OSBP2: variants seen among roughly 807,000 people sequenced by gnomAD.
OSBP2 encodes oxysterol-binding protein 2.
In OSBP2, 66 loss-of-function variants were observed where a neutral mutation model predicts 96.0. That is an observed-to-expected ratio of 0.69 (90% CI 0.56 to 0.84). The LOEUF (loss-of-function observed/expected upper bound fraction) is 0.84, where lower values mean the gene tolerates loss of function less well. OSBP2 is among the 40% of genes least tolerant of loss of function. OSBP2 has a pLI of 0.00. For synonymous variants in OSBP2, 525 were observed against 520.9 expected, an observed-to-expected ratio of 1.01 and a Z score of -0.11; for missense variants, 1,038 against 1,222.7, an observed-to-expected ratio of 0.85 and a Z score of 2.25.
intron 1 of OSBP2, among the ~76,000 whole-genome samples, chr22:30,703,665 G>A (rs1241644177): frequency 2.6e-5 from 4 of 151,946 alleles, no homozygotes; most frequent in East Asian, 3.9e-4. Context: ...TAGTAGAGAC[G>A]GAGTTTCACC....
rs908190152 is a variant in OSBP2 at position 30,870,859 on chromosome 22, C to T, written c.1107+177C>T. 1.3e-5 allele frequency among the ~76,000 whole-genome samples: 2 copies of T among 152,236 alleles called. No individual in the cohort carries two copies. The highest frequency in any genetic ancestry group is 6.5e-5 in the Admixed American group (1 of 15,278). On this transcript the variant is annotated intron_variant, in intron 3 of 13. Transcript: ENST00000332585. The surrounding 1 kb of genome is among the most constrained non-coding windows in gnomAD (Gnocchi z 4.1). ...CCGAGTTCTTAAATCATCTCCTTCA[C>T]TCGGCCGTCGTTGGGCAAGGACATT... is the stretch of plus-strand genomic sequence containing the variant.
Position 30,881,585 on chromosome 22 carries a change from C to A in OSBP2, c.1108-5841C>A. On this transcript the variant is annotated intron_variant, in intron 3 of 13. Coordinates refer to ENST00000332585, the MANE Select transcript of OSBP2 (RefSeq NM_030758.4). This position sits in a 1 kb window ranked among gnomAD's most constrained non-coding sequence, Gnocchi z 4.5. ...TCAGGCCTGGGCTGGGTCAGCCAGGCCCTCCCTGGGCCCCTGGGAACCTCC... is the reference window on the plus strand; with the variant it reads ...TCAGGCCTGGGCTGGGTCAGCCAGGACCTCCCTGGGCCCCTGGGAACCTCC... 1 of 1,167,558 alleles carries A rather than the reference C, an allele frequency of 8.6e-7. No individual in the cohort carries two copies. The highest frequency in any genetic ancestry group is 1.1e-6 in the Non-Finnish European group (1 of 884,324). The allele number at this position is 1,167,558 out of a possible 1,614,324, so 72.3% of individuals were successfully genotyped here.
intron 9 of OSBP2, 62 bp from the exon 10 acceptor site, chr22:30,893,401 G>T: frequency 6.4e-7 from 1 of 1,555,310 alleles, no homozygotes; most frequent in Non-Finnish European, 8.9e-7. Flanking sequence ...CCAGGCCTAA[G>T]GGCAGACTGG....
intron 1 of OSBP2, among the ~76,000 whole-genome samples, chr22:30,703,532 G>C (rs1440077225): frequency 1.3e-5 from 2 of 151,132 alleles, no homozygotes; most frequent in Non-Finnish European, 2.9e-5. Flanking sequence ...CTGGAGTGCA[G>C]TGGCACGATC....
chr22:30,892,003 A>AT (rs1490531918), intron 8 of OSBP2, among the ~76,000 whole-genome samples: 2 of 152,130 alleles, frequency 1.3e-5, no homozygotes, highest in Admixed American at 6.5e-5. Context: ...AGGAGGGTGA[A>AT]GAAGCAGCAG....
rs772969372 is a variant in OSBP2 at position 30,879,960 on chromosome 22, G to A, written c.1108-7466G>A. Among the ~76,000 whole-genome samples the A allele has an allele frequency of 2.0e-5, 3 of 152,086 alleles. 1 individual carries two copies. The highest frequency in any genetic ancestry group is 4.1e-4 in the South Asian group (2 of 4,828). The stretch of plus-strand genomic sequence containing the variant: ...CCAGCTCCTCAGAAGGCTGAGGCAC[G>A]AGAATCGCTTGAGCCTGGGAGGCAG... On this transcript the variant is annotated intron_variant, in intron 3 of 13. Coordinates refer to ENST00000332585, the MANE Select transcript of OSBP2 (RefSeq NM_030758.4).
intron 12 of OSBP2, chr22:30,902,841 C>T (rs2040246167): frequency 3.0e-6 from 1 of 330,220 alleles, no homozygotes; most frequent in Non-Finnish European, 6.2e-6. Context: ...GCCTGGTGAA[C>T]CCCTGGGCCA....
chr22:30,823,652 G>T (rs1277634914), intron 2 of OSBP2, among the ~76,000 whole-genome samples: 1 of 152,258 alleles, frequency 6.6e-6, no homozygotes, highest in East Asian at 1.9e-4. Context: ...GCAAGCCTCA[G>T]CCCAGGAATC....
chr22:30,837,624 C>T (rs1488378341), intron 2 of OSBP2, among the ~76,000 whole-genome samples: 1 of 152,200 alleles, frequency 6.6e-6, no homozygotes, highest in Non-Finnish European at 1.5e-5. Flanking sequence ...CTGGGTCACC[C>T]TGCAACTCCC....
chr22:30,773,692 A>G (rs1022908558), intron 2 of OSBP2, among the ~76,000 whole-genome samples: 5 of 152,032 alleles, frequency 3.3e-5, no homozygotes, highest in Admixed American at 3.3e-4. Flanking sequence ...GGCCAGACAC[A>G]GTGGTCACTT....
Position 30,870,335 on chromosome 22 carries a change from C to T in OSBP2, c.854-94C>T, listed in dbSNP as rs1476915499. The T allele has an allele frequency of 1.2e-5, 16 of 1,299,380 alleles. No homozygotes were observed. In the Admixed American group the frequency reaches 1.5e-4, roughly 12 times the overall value. The allele number at this position is 1,299,380 out of a possible 1,614,324, so 80.5% of individuals were successfully genotyped here. On this transcript the variant is annotated intron_variant, in intron 2 of 13. Transcript: ENST00000332585. This position sits in a 1 kb window ranked among gnomAD's most constrained non-coding sequence, Gnocchi z 4.1. ...TCGGGGACTGATGTTTTTTGAATGG[C>T]GCTATCCACCCTGCCCTGCTCGGCC...
At chr22:30,745,215 G>GA (rs1411162443) in intron 2 of OSBP2, among the ~76,000 whole-genome samples, 1 of 149,118 alleles carries the variant, frequency 6.7e-6, no homozygotes, top group Non-Finnish European at 1.5e-5. Flanking sequence ...TTGTGTGCCA[G>GA]AAAAAAATAC....
intron 2 of OSBP2, among the ~76,000 whole-genome samples, chr22:30,855,453 AG>A (rs2147071136): frequency 6.6e-6 from 1 of 152,330 alleles, no homozygotes; most frequent in Admixed American, 6.5e-5. Context: ...TGGTTGCCCC[AG>A]GGGGACTGTC....
chr22:30,862,343 G>A (rs2039228895), intron 2 of OSBP2, among the ~76,000 whole-genome samples: 1 of 152,236 alleles, frequency 6.6e-6, no homozygotes, highest in South Asian at 2.1e-4. Context: ...TGGTCTCTTG[G>A]CCTCCAGGGC....
intron 1 of OSBP2, among the ~76,000 whole-genome samples, chr22:30,716,046 T>TTC (rs1286454736): frequency 2.3e-3 from 9 of 3,844 alleles, no homozygotes; most frequent in Admixed American, 5.2e-3. Context: ...CTTTCTTTCT[T>TTC]TTTTTTTTTT....
rs1238239652 is a variant in OSBP2 at position 30,694,971 on chromosome 22, C to G, written c.62C>G (p.Ser21Trp). The G allele has an allele frequency of 6.6e-7, 1 of 1,511,392 alleles. No homozygotes were observed. The highest frequency in any genetic ancestry group is 8.8e-7 in the Non-Finnish European group (1 of 1,137,836). 93.6% of individuals were successfully genotyped at this position (1,511,392 alleles called of 1,614,324 possible). A position where few individuals can be genotyped will look rare whatever the true frequency, so the allele number is the denominator to read the frequency against. Residue 21 changes from serine (S) to tryptophan (W), a missense_variant, in exon 1 of 14, where the codon TCG becomes TGG. Physicochemically the swap from Ser to Trp is radical, Grantham distance 177. This residue lies in a region of OSBP2 where 20 missense variants were observed against 36.0 expected (regional missense o/e 0.55). Transcript: ENST00000332585. ...GGCGGRSRGL[S>W]SLFTVVPCLS... Reference sequence around the variant, plus strand: ...TGTGGCGGCCGCTCCCGCGGGCTCTCGTCGCTGTTCACGGTTGTCCCCTGC... The same window carrying G: ...TGTGGCGGCCGCTCCCGCGGGCTCTGGTCGCTGTTCACGGTTGTCCCCTGC...
chr22:30,738,914 A>G (rs1190951590), intron 1 of OSBP2, among the ~76,000 whole-genome samples: 2 of 152,222 alleles, frequency 1.3e-5, no homozygotes, highest in Non-Finnish European at 2.9e-5. Flanking sequence ...TGATAGAAGA[A>G]TCAAAAAAAT....
rs1262839146 is a variant in OSBP2 at position 30,889,202 on chromosome 22, A to G, written c.1444A>G (p.Thr482Ala). 6.2e-7 allele frequency: 1 copy of G among 1,613,608 alleles called. No homozygotes were observed. The highest frequency in any genetic ancestry group is 2.2e-5 in the East Asian group (1 of 44,864). Residue 482 changes from threonine (T) to alanine (A), a missense_variant, in exon 6 of 14, where the codon ACA (threonine) becomes GCA (alanine). By Grantham distance (58) the Thr-to-Ala change is moderately conservative. Around this residue, in one of 3 missense-constraint regions of OSBP2, gnomAD observed 737 missense variants for 913.3 expected, o/e 0.81. Transcript: ENST00000332585. The stretch of plus-strand genomic sequence containing the variant: ...CAGAAAAGCTGAAGGTAGCACCGGG[A>G]CAAGTTCCGTGGACTGGAGCTCAGC... Reference protein sequence around the residue: ...DSRKAEGSTGTSSVDWSSADN... With the variant: ...DSRKAEGSTGASSVDWSSADN...
chr22:30,792,787 C>T (rs946601881), intron 2 of OSBP2, among the ~76,000 whole-genome samples: 2 of 152,214 alleles, frequency 1.3e-5, no homozygotes, highest in Non-Finnish European at 2.9e-5. Context: ...TCCACACCAG[C>T]ACTGTGAGGG....
Sources: gnomAD v4.1 joint callset for allele counts (sites outside exome capture counted in the v4.1 genomes callset) on GRCh38, gnomAD v4.1.1 for gene constraint, gnomAD v4.1.1 regional missense constraint, Gnocchi (gnomAD v3.1) non-coding constraint, MANE v1.5 for transcripts, NCBI Gene and HGNC (gene_info 2026-07-23, HGNC 2026-07-21) for gene names.